HEMGN: variants seen among roughly 807,000 people sequenced by gnomAD.
The protein encoded by HEMGN is hemogen, also known as erythroid differentiation-associated gene protein.
A neutral mutation model predicts 45.7 loss-of-function variants in HEMGN; 32 were observed. The observed-to-expected ratio is 0.70, with a 90% CI of 0.53 to 0.94. HEMGN has a LOEUF of 0.94. Among genes scored for constraint, HEMGN ranks in the 40% least tolerant of loss-of-function variants. HEMGN has a pLI of 0.00. For synonymous variants in HEMGN, 183 were observed against 178.6 expected, an observed-to-expected ratio of 1.02 and a Z score of -0.20; for missense variants, 530 against 564.2, an observed-to-expected ratio of 0.94 and a Z score of 0.61.
rs550328869 is a variant in HEMGN at position 97,928,096 on chromosome 9, T to G, written c.1361-618A>C. The stretch of plus-strand genomic sequence containing the variant: ...GGCTGGAGTGCAGTGGCGCGATCTC[T>G]GCTCACTGCAAGCTCCGCCTCCCGG... On this transcript the variant is annotated intron_variant, in intron 3 of 3. Transcript: ENST00000616898. 2.4e-3 allele frequency among the ~76,000 whole-genome samples: 356 copies of G among 151,002 alleles called. 2 individuals carry two copies. The highest frequency in any genetic ancestry group is 3.8e-3 in the Admixed American group (58 of 15,170).
At chr9:97,941,257 A>G (rs1827148439), upstream of HEMGN, among the ~76,000 whole-genome samples, 1 of 152,038 alleles carries the variant, frequency 6.6e-6, no homozygotes, top group Non-Finnish European at 1.5e-5. Flanking sequence ...TGCCATGCTG[A>G]TATCTGGGAG....
chr9:97,930,233 T>G lies in HEMGN; in HGVS notation c.1162A>C (p.Thr388Pro), dbSNP rs1193194645. The G allele has an allele frequency of 1.4e-5, 23 of 1,614,050 alleles. No individual in the cohort carries two copies. Residue 388 changes from threonine (T) to proline (P), a missense_variant, in exon 3 of 4, where the codon ACA (threonine) becomes CCA (proline). Transcript: ENST00000616898. The part of the protein sequence containing the change: ...EEYSPEIYQE[T>P]SQLEEYSPEI... ...GGTGAATATTCTTCAAGCTGGGATG[T>G]TTCTTGGTATATTTCAGGTGAATAT...
chr9:97,943,583 C>T (rs1827182142), intron 1 of HEMGN, among the ~76,000 whole-genome samples: 1 of 152,162 alleles, frequency 6.6e-6, no homozygotes, highest in African/African-American at 2.4e-5. Flanking sequence ...TGGAATCCTC[C>T]CACAAATGCT....
At chr9:97,931,982 TGGGCTGG>T (rs1255461230) in intron 2 of HEMGN, among the ~76,000 whole-genome samples, 3 of 152,062 alleles carry the variant, frequency 2.0e-5, no homozygotes, top group Non-Finnish European at 4.4e-5. Flanking sequence ...CTAATACAGA[TGGGCTGG>T]GGGCTGGGGG....
chr9:97,930,872 T>C lies in HEMGN; in HGVS notation c.523A>G (p.Lys175Glu). 6.2e-7 allele frequency: 1 copy of C among 1,614,142 alleles called. No homozygotes were observed. The highest frequency in any genetic ancestry group is 8.5e-7 in the Non-Finnish European group (1 of 1,179,972). Residue 175 changes from lysine to glutamate, a missense_variant, in exon 3 of 4, where the codon AAA (lysine) becomes GAA (glutamate). Lys to Glu is a moderately conservative substitution (Grantham distance 56, BLOSUM62 1). Coordinates refer to ENST00000616898, the MANE Select transcript of HEMGN (RefSeq NM_197978.3). ...HVSEPEDLSPKMYQEISVLQD... is the reference protein window; with the variant it reads ...HVSEPEDLSPEMYQEISVLQD... ...AGTACAGATATTTCTTGGTACATTT[T>C]AGGAGAGAGGTCTTCAGGTTCAGAC...
chr9:97,942,398 CT>C (rs1234450204), upstream of HEMGN, among the ~76,000 whole-genome samples: 4 of 151,912 alleles, frequency 2.6e-5, no homozygotes, highest in Non-Finnish European at 5.9e-5. Flanking sequence ...ATCCTCCCAC[CT>C]CAGCCTCCCA....
intron 3 of HEMGN, among the ~76,000 whole-genome samples, chr9:97,928,249 A>C (rs1230650343): frequency 6.6e-6 from 1 of 151,262 alleles, no homozygotes; most frequent in Admixed American, 6.6e-5. Flanking sequence ...AATGGTCTCG[A>C]TCTCCTGACC....
chr9:97,930,986 A>G lies in HEMGN; in HGVS notation c.409T>C (p.Cys137Arg). Residue 137 changes from cysteine to arginine, a missense_variant, in exon 3 of 4, where the codon TGT (cysteine) becomes CGT (arginine). Cys to Arg is a radical substitution (Grantham distance 180). Coordinates refer to ENST00000616898, the MANE Select transcript of HEMGN (RefSeq NM_197978.3). ...VVPEEHFSEI[C>R]QESNIYQENF... is the part of the protein sequence containing the mutation. The stretch of plus-strand genomic sequence containing the variant: ...TCCTGATATATGTTACTTTCTTGAC[A>G]TATTTCAGAAAAGTGTTCCTCAGGC... 2.5e-6 allele frequency: 4 copies of G among 1,614,174 alleles called. No individual in the cohort carries two copies. The highest frequency in any genetic ancestry group is 3.4e-6 in the Non-Finnish European group (4 of 1,180,012).
Position 97,930,560 on chromosome 9 carries a change from C to T in HEMGN, c.835G>A (p.Ala279Thr). 3 of 1,614,112 alleles carry T rather than the reference C, an allele frequency of 1.9e-6. No homozygotes were observed. The highest frequency in any genetic ancestry group is 2.5e-6 in the Non-Finnish European group (3 of 1,180,006). Residue 279 changes from alanine (A) to threonine (T), a missense_variant, in exon 3 of 4, where the codon GCA (alanine) becomes ACA (threonine). Ala to Thr is a moderately conservative substitution (Grantham distance 58). Coordinates refer to ENST00000616898, the MANE Select transcript of HEMGN (RefSeq NM_197978.3). ...GYILDTDQNP[A>T]EPEEYNETDQ... ...GTTTCATTGTATTCCTCTGGTTCTG[C>T]TGGATTTTGGTCTGTGTCAAGAATA... is the stretch of plus-strand genomic sequence containing the variant.
At chr9:97,939,876 G>A (rs1827126461), upstream of HEMGN, among the ~76,000 whole-genome samples, 3 of 152,192 alleles carry the variant, frequency 2.0e-5, no homozygotes, top group South Asian at 4.2e-4. Context: ...GTAACTTCAG[G>A]GAGCCCCTGC....
In HEMGN at chr9:97,930,469, T is replaced by C; in HGVS notation, c.926A>G (p.Asp309Gly). The C allele has an allele frequency of 6.2e-7, 1 of 1,614,136 alleles. No homozygotes were observed. Among genetic ancestry groups the C allele is most frequent in the Non-Finnish European group, 8.5e-7 (1 of 1,179,982 alleles). Residue 309 changes from aspartate to glycine, a missense_variant, in exon 3 of 4, where the codon GAC becomes GGC. Transcript: ENST00000616898. Reference sequence around the variant, plus strand: ...TTCTTGGTGTGTTTTTGTAGAAAGGTCTTTAGGCTCAGCTATTTCTTGTAT... The same window carrying C: ...TTCTTGGTGTGTTTTTGTAGAAAGGCCTTTAGGCTCAGCTATTTCTTGTAT... ...PKIQEIAEPK[D>G]LSTKTHQESA...
At chr9:97,944,323 A>G (rs2131560804) in intron 1 of HEMGN, among the ~76,000 whole-genome samples, 1 of 152,324 alleles carries the variant, frequency 6.6e-6, no homozygotes, top group South Asian at 2.1e-4. Flanking sequence ...TAGTAGTACC[A>G]TGCCTGGCCA....
Position 97,930,454 on chromosome 9 carries a change from G to A in HEMGN, c.941C>T (p.Thr314Ile). Residue 314 changes from threonine (T) to isoleucine (I), a missense_variant, in exon 3 of 4, where the codon ACA (threonine) becomes ATA (isoleucine). By Grantham distance (89) the Thr-to-Ile change is moderately conservative (BLOSUM62 -1). Transcript: ENST00000616898. ...IAEPKDLSTK[T>I]HQESAEPKYL... ...TTTAGGTTCAGCTGATTCTTGGTGT[G>A]TTTTTGTAGAAAGGTCTTTAGGCTC... The A allele has an allele frequency of 6.2e-7, 1 of 1,614,132 alleles. No homozygotes were observed.
At chr9:97,939,325 C>G (rs1182083152), upstream of HEMGN, among the ~76,000 whole-genome samples, 1 of 152,148 alleles carries the variant, frequency 6.6e-6, no homozygotes, top group Non-Finnish European at 1.5e-5. Flanking sequence ...GCATATTGAA[C>G]TTGGTCAGTA....
intron 2 of HEMGN, among the ~76,000 whole-genome samples, chr9:97,932,068 C>T (rs1826963410): frequency 6.6e-6 from 1 of 152,140 alleles, no homozygotes; most frequent in Admixed American, 6.5e-5. Context: ...TTTCATGCTA[C>T]CCGCTCCATG....
chr9:97,927,581 C>T (rs930517649), intron 3 of HEMGN, 103 bp from the exon 4 acceptor site: 5 of 698,844 alleles, frequency 7.2e-6, no homozygotes, highest in Non-Finnish European at 1.2e-5. Context: ...TACACAACAA[C>T]AAACCGTAGA....
intron 2 of HEMGN, among the ~76,000 whole-genome samples, chr9:97,933,800 A>T (rs770556921): frequency 7.9e-5 from 12 of 152,166 alleles, no homozygotes; most frequent in Non-Finnish European, 1.6e-4. Flanking sequence ...GTGAGAAAAG[A>T]GGGCACAGGC....
chr9:97,941,346 T>C (rs74847901), upstream of HEMGN, among the ~76,000 whole-genome samples: 8,231 of 152,152 alleles, frequency 0.054, 338 homozygotes, highest in East Asian at 0.17. Context: ...AAGAAGCCTA[T>C]TATTGCCCCT....
chr9:97,937,698 TA>T (rs149576433), intron 1 of HEMGN, among the ~76,000 whole-genome samples: 8,605 of 152,210 alleles, frequency 0.057, 354 homozygotes, highest in Middle Eastern at 0.1. Flanking sequence ...AAAAAAAATT[TA>T]AAACAATGTC....
Sources: allele counts gnomAD v4.1 joint callset (sites outside exome capture counted in the v4.1 genomes callset), GRCh38; gene constraint gnomAD v4.1.1; transcripts MANE v1.5; gene names NCBI Gene and HGNC (gene_info 2026-07-23, HGNC 2026-07-21).